PARD3: variants seen among roughly 807,000 people sequenced by gnomAD.
PARD3 encodes par-3 family cell polarity regulator, also known as partitioning defective 3 homolog.
Under a neutral mutation model 155.4 loss-of-function variants are expected in PARD3, and 75 were observed. The observed-to-expected ratio is 0.48, with a 90% CI of 0.40 to 0.58. The LOEUF is 0.58. PARD3 is among the 20% of genes least tolerant of loss of function. The pLI, the probability that PARD3 is intolerant of heterozygous loss-of-function variation, is 0.00. For missense variants in PARD3, 1,642 were observed against 1,721.7 expected (o/e 0.95, Z 0.82); for synonymous variants, 576 against 610.5 (o/e 0.94, Z 0.83).
chr10:34,308,173 G>A (rs1164950262), intron 20 of PARD3, among the ~76,000 whole-genome samples: 1 of 152,098 alleles, frequency 6.6e-6, no homozygotes, highest in Middle Eastern at 3.4e-3. Flanking sequence ...AGGCTGGGGT[G>A]GGGGACCAAG....
chr10:34,116,063 A>G (rs1324662685), intron 24 of PARD3, among the ~76,000 whole-genome samples: 1 of 152,188 alleles, frequency 6.6e-6, no homozygotes, highest in Non-Finnish European at 1.5e-5. Context: ...ACAAACAAAA[A>G]TCCTATTCTG....
intron 21 of PARD3, among the ~76,000 whole-genome samples, chr10:34,272,877 C>T (rs899679393): frequency 6.6e-6 from 1 of 152,246 alleles, no homozygotes; most frequent in Middle Eastern, 3.4e-3. Flanking sequence ...AAGACGTTCG[C>T]CACCACCAGT....
intron 2 of PARD3, among the ~76,000 whole-genome samples, chr10:34,665,537 T>A (rs11009851): frequency 0.021 from 3,191 of 150,280 alleles, 112 homozygotes; most frequent in African/African-American, 0.074. Flanking sequence ...ATTTTAAAAA[T>A]TTTTAAAAAA....
At chr10:34,145,389 C>G (rs2132909697) in intron 22 of PARD3, among the ~76,000 whole-genome samples, 1 of 151,120 alleles carries the variant, frequency 6.6e-6, no homozygotes, top group African/African-American at 2.4e-5. Flanking sequence ...CTCTAATAAT[C>G]TATCCTTTAT....
At chr10:34,515,114 C>A (rs1471542979) in intron 3 of PARD3, among the ~76,000 whole-genome samples, 1 of 152,074 alleles carries the variant, frequency 6.6e-6, no homozygotes, top group African/African-American at 2.4e-5. Context: ...AGGATCATTC[C>A]AAGCAGATAT....
chr10:34,641,071 T>C (rs563882902), intron 2 of PARD3, among the ~76,000 whole-genome samples: 15 of 152,266 alleles, frequency 9.9e-5, no homozygotes, highest in South Asian at 6.2e-4. Context: ...TCCAGAACAA[T>C]ATACACACAA....
chr10:34,630,872 T>C (rs1387923516), intron 2 of PARD3, among the ~76,000 whole-genome samples: 1 of 151,928 alleles, frequency 6.6e-6, no homozygotes, highest in Non-Finnish European at 1.5e-5. Flanking sequence ...TGGAGTGCAG[T>C]GGCGCAATCA....
intron 1 of PARD3, among the ~76,000 whole-genome samples, chr10:34,760,088 T>C (rs562183403): frequency 6.6e-6 from 1 of 152,316 alleles, no homozygotes; most frequent in African/African-American, 2.4e-5. Flanking sequence ...GTAATCTCAA[T>C]GTGGGAGGCA....
intron 5 of PARD3, among the ~76,000 whole-genome samples, chr10:34,424,760 C>T (rs1442167667): frequency 1.3e-5 from 2 of 152,102 alleles, no homozygotes; most frequent in Non-Finnish European, 2.9e-5. Flanking sequence ...GGTGATCCAC[C>T]CACCTCAGCC....
intron 20 of PARD3, among the ~76,000 whole-genome samples, chr10:34,314,668 CATG>C (rs1276960598): frequency 5.3e-5 from 8 of 152,266 alleles, no homozygotes; most frequent in Admixed American, 3.3e-4. Context: ...CAGCTACCAG[CATG>C]ATGTCACTAA....
intron 22 of PARD3, among the ~76,000 whole-genome samples, chr10:34,137,839 A>G (rs1947984067): frequency 6.6e-6 from 1 of 152,174 alleles, no homozygotes; most frequent in Non-Finnish European, 1.5e-5. Flanking sequence ...CAAAAAATCA[A>G]TGCTTGTTAT....
At chr10:34,636,466 C>T (rs914541422) in intron 2 of PARD3, among the ~76,000 whole-genome samples, 4 of 152,190 alleles carry the variant, frequency 2.6e-5, no homozygotes, top group East Asian at 1.9e-4. Context: ...CCACAAAGGC[C>T]GCTGGCGAGA....
At chr10:34,805,475 ATCAT>A (rs1296308311) in intron 1 of PARD3, among the ~76,000 whole-genome samples, 6 of 151,694 alleles carry the variant, frequency 4.0e-5, no homozygotes, top group African/African-American at 1.4e-4. Flanking sequence ...TGACTTGACT[ATCAT>A]CTCTAAAATG....
chr10:34,658,450 G>A (rs1056051636), intron 2 of PARD3, among the ~76,000 whole-genome samples: 3 of 151,884 alleles, frequency 2.0e-5, no homozygotes, highest in East Asian at 1.9e-4. Flanking sequence ...GAGGAAATTC[G>A]GTTATGAGAA....
chr10:34,227,883 T>TATATATATAC (rs1491222875), intron 22 of PARD3, among the ~76,000 whole-genome samples: 15 of 130,444 alleles, frequency 1.1e-4, no homozygotes, highest in African/African-American at 4.4e-4. Context: ...TATATATATA[T>TATATATATAC]ACTGGGAATA....
chr10:34,435,818 A>C (rs2076160012), intron 5 of PARD3, among the ~76,000 whole-genome samples: 1 of 152,222 alleles, frequency 6.6e-6, no homozygotes, highest in Non-Finnish European at 1.5e-5. Context: ...AACACTATTG[A>C]TTCTGTTCAG....
intron 1 of PARD3, among the ~76,000 whole-genome samples, chr10:34,725,098 C>T (rs2094678357): frequency 7.1e-6 from 1 of 141,826 alleles, no homozygotes; most frequent in Non-Finnish European, 1.5e-5. Flanking sequence ...TTGAATGAGT[C>T]AAAACTTTGT....
At chr10:34,810,280 C>A (rs948573059) in intron 1 of PARD3, among the ~76,000 whole-genome samples, 2 of 152,102 alleles carry the variant, frequency 1.3e-5, no homozygotes, top group African/African-American at 2.4e-5. Flanking sequence ...GTATAAGGTA[C>A]GTAGGAAACA....
chr10:34,213,386 G>T (rs929834835), intron 22 of PARD3, among the ~76,000 whole-genome samples: 1 of 152,128 alleles, frequency 6.6e-6, no homozygotes, highest in Non-Finnish European at 1.5e-5. Context: ...CTGCCTCAGT[G>T]ACCCAAGCAC....
Sources: allele counts gnomAD v4.1 joint callset (sites outside exome capture counted in the v4.1 genomes callset), GRCh38; gene constraint gnomAD v4.1.1; transcripts MANE v1.5; gene names NCBI Gene and HGNC (gene_info 2026-07-23, HGNC 2026-07-21).